Variants in CLDN19 observed in about 807,000 individuals in gnomAD.
The protein encoded by CLDN19 is claudin 19.
CLDN19 carries 19 observed loss-of-function variants against 24.5 expected under a neutral mutation model. The observed-to-expected ratio is 0.78, with a 90% CI of 0.54 to 1.14. CLDN19 has a LOEUF of 1.14. Ranked by LOEUF, CLDN19 falls within the 50% of genes most tolerant of loss-of-function variation. The probability of loss-of-function intolerance (pLI) is 0.00; values close to 1 mark genes in which losing one functional copy is unlikely to be tolerated. For synonymous variants in CLDN19, 117 were observed against 129.6 expected (o/e 0.90, Z 0.66); for missense variants, 250 against 295.9 (o/e 0.84, Z 1.14).
At position 42,738,475 on chromosome 1, in the gene CLDN19, G is replaced by T; in HGVS notation, c.334C>A (p.Pro112Thr). ...ATGGCAACACGGCCCTTGGCAATGG[G>T]GTTGCTGTCTCCCACCCGCGTACAC... is the stretch of plus-strand genomic sequence containing the variant. The part of the protein sequence containing the change: ...MKCTRVGDSN[P>T]IAKGRVAIAG... Residue 112 changes from proline (P) to threonine (T), a missense_variant, in exon 2 of 5, where the codon CCC becomes ACC. Transcript: ENST00000296387. 6.2e-7 allele frequency: 1 copy of T among 1,614,046 alleles called. No individual in the cohort carries two copies. The highest frequency in any genetic ancestry group is 1.1e-5 in the South Asian group (1 of 91,080).
intron 3 of CLDN19, 79 bp downstream of exon 3, chr1:42,738,150 C>T (rs1484838690): frequency 5.9e-6 from 7 of 1,194,472 alleles, no homozygotes; most frequent in Non-Finnish European, 8.8e-6. Flanking sequence ...GTCCCCACTT[C>T]CCCCGCCAGG....
intron 1 of CLDN19, 82 bp downstream of exon 1, chr1:42,739,759 T>C (rs937487043): frequency 8.6e-6 from 10 of 1,162,728 alleles, no homozygotes; most frequent in Non-Finnish European, 1.1e-5. Flanking sequence ...CCAGCGCAGA[T>C]AGCAGACTGT....
intron 3 of CLDN19, among the ~76,000 whole-genome samples, chr1:42,736,593 T>A (rs968121558): frequency 6.6e-6 from 1 of 152,098 alleles, no homozygotes; most frequent in African/African-American, 2.4e-5. Flanking sequence ...AGCCCACCAC[T>A]CCTGTGCCTC....
chr1:42,735,048 G>A lies in CLDN19; in HGVS notation c.*38C>T, dbSNP rs750026527. ...AAAAAAATATGAAACACACAGTCTA[G>A]GTATGGCAGGGGACAGAGCCTGGCT... On this transcript the variant is annotated 3_prime_UTR_variant, in exon 5 of 5. Coordinates refer to ENST00000296387, the MANE Select transcript of CLDN19 (RefSeq NM_148960.3). 2.5e-4 allele frequency: 357 copies of A among 1,454,902 alleles called. 1 individual carries two copies. Among genetic ancestry groups the A allele is most frequent in the Non-Finnish European group, 6.7e-5 (69 of 1,035,280 alleles). 90.1% of individuals were successfully genotyped at this position (1,454,902 alleles called of 1,614,324 possible). A position where few individuals can be genotyped will look rare whatever the true frequency, so the allele number is the denominator to read the frequency against.
intron 3 of CLDN19, among the ~76,000 whole-genome samples, chr1:42,736,965 T>C (rs10890212): frequency 0.64 from 96,994 of 152,016 alleles, 31,099 homozygotes; most frequent in South Asian, 0.71. Flanking sequence ...TCCCTCCCCT[T>C]GCCTCTCAAC....
intron 4 of CLDN19, 81 bp downstream of exon 4, chr1:42,735,797 G>T: frequency 6.5e-7 from 1 of 1,545,804 alleles, no homozygotes. Flanking sequence ...CCCTGCCCAG[G>T]GTGCTGCGAG....
chr1:42,736,103 A>G, intron 3 of CLDN19, 73 bp from the exon 4 acceptor site: 1 of 977,422 alleles, frequency 1.0e-6, no homozygotes, highest in Non-Finnish European at 1.6e-6. Context: ...GCCCTGGCAG[A>G]GGAAGGGCAG....
intron 2 of CLDN19, 53 bp from the exon 3 acceptor site, chr1:42,738,366 T>A: frequency 6.2e-7 from 1 of 1,613,166 alleles, no homozygotes; most frequent in Non-Finnish European, 8.5e-7. Flanking sequence ...CCGAGGCCAC[T>A]GGGGCTGGGG....
At chr1:42,738,648 G>T in intron 1 of CLDN19, 63 bp from the exon 2 acceptor site, 1 of 1,551,660 alleles carries the variant, frequency 6.4e-7, no homozygotes, top group East Asian at 2.4e-5. Context: ...CGGTGCCTGG[G>T]GTCGGTGGAA....
intron 3 of CLDN19, among the ~76,000 whole-genome samples, chr1:42,737,580 C>G (rs1651409743): frequency 6.6e-6 from 1 of 152,226 alleles, no homozygotes; most frequent in African/African-American, 2.4e-5. Flanking sequence ...CATGTGTGAA[C>G]TGGTGCTCAG....
intron 3 of CLDN19, among the ~76,000 whole-genome samples, chr1:42,736,862 G>A (rs774997509): frequency 2.5e-4 from 38 of 152,308 alleles, no homozygotes; most frequent in Admixed American, 5.2e-4. Flanking sequence ...CGGGGGCCGA[G>A]TCCTATCCTG....
At chr1:42,738,168 G>A (rs1651431605) in intron 3 of CLDN19, 61 bp downstream of exon 3, 3 of 1,334,302 alleles carry the variant, frequency 2.2e-6, no homozygotes, top group Non-Finnish European at 3.2e-6. Context: ...AGGTGATCCA[G>A]TGGACAAAGG....
chr1:42,736,687 C>T (rs1417705858), intron 3 of CLDN19, among the ~76,000 whole-genome samples: 4 of 152,180 alleles, frequency 2.6e-5, no homozygotes, highest in Admixed American at 6.5e-5. Flanking sequence ...GTGTTCACCC[C>T]GCCCCTTGCG....
At chr1:42,738,000 C>G (rs1173957736) in intron 3 of CLDN19, among the ~76,000 whole-genome samples, 1 of 152,224 alleles carries the variant, frequency 6.6e-6, no homozygotes, top group Non-Finnish European at 1.5e-5. Context: ...GGATTGAAAC[C>G]CAGAGCCAGG....
At chr1:42,735,287 G>A (rs766985702) in intron 4 of CLDN19, 153 bp from the exon 5 acceptor site, 2 of 1,524,110 alleles carry the variant, frequency 1.3e-6, no homozygotes, top group Non-Finnish European at 1.8e-6. Flanking sequence ...CCGGGGGCAG[G>A]GGCGCCATGG....
In CLDN19 at chr1:42,738,295, GCAGT is replaced by G. The variant is rs762736103; in HGVS notation, c.403_406del (p.Thr135LeufsTer9). ...CACCAGGGTGGCATACCACGAGACA[GCAGT>G]CAAAGTGCAGAGGCCTAAAGACAAA... On this transcript the variant is annotated frameshift_variant, in exon 3 of 5. Transcript: ENST00000296387. LOFTEE classifies it high-confidence loss of function. The G allele has an allele frequency of 6.2e-7, 1 of 1,613,926 alleles. No homozygotes were observed. Among genetic ancestry groups the G allele is most frequent in the South Asian group, 1.1e-5 (1 of 91,086 alleles).
chr1:42,738,695 C>A, intron 1 of CLDN19, 110 bp from the exon 2 acceptor site: 1 of 1,043,158 alleles, frequency 9.6e-7, no homozygotes, highest in South Asian at 1.5e-5. Context: ...CAGGAGCTGG[C>A]CTGGGGGGTC....
rs1314257979 is a variant in CLDN19 at position 42,740,177 on chromosome 1, G to A, written c.-114C>T. On this transcript the variant is annotated 5_prime_UTR_variant, in exon 1 of 5. Coordinates refer to ENST00000296387, the MANE Select transcript of CLDN19 (RefSeq NM_148960.3). ...AGCTGGGCAGGGGGAGCAGCGAGAA[G>A]GAGGGTCAGAGGCAGAGAAGGAGAG... 2.5e-6 allele frequency: 2 copies of A among 791,656 alleles called. No individual in the cohort carries two copies. The highest frequency in any genetic ancestry group is 5.3e-5 in the East Asian group (2 of 37,562). The allele number at this position is 791,656 out of a possible 1,614,324, so 49.0% of individuals were successfully genotyped here.
At position 42,735,188 on chromosome 1, in the gene CLDN19, G is replaced by A. The variant is rs184994488; in HGVS notation, c.627-54C>T. On this transcript the variant is annotated intron_variant, in intron 4 of 4. Transcript: ENST00000296387. The stretch of plus-strand genomic sequence containing the variant: ...AGTGGAGTGAGCTGTGGGGTCGGGG[G>A]CAGGGGCTGTGCATTCAGGCCCGGA... 1.4e-5 allele frequency: 23 copies of A among 1,609,816 alleles called. No homozygotes were observed. In the East Asian group the frequency reaches 3.3e-4, roughly 23 times the overall value.
Sources: gnomAD v4.1 joint callset for allele counts (sites outside exome capture counted in the v4.1 genomes callset) on GRCh38, gnomAD v4.1.1 for gene constraint, MANE v1.5 for transcripts, NCBI Gene and HGNC (gene_info 2026-07-23, HGNC 2026-07-21) for gene names.